SELE: variants seen among roughly 807,000 people sequenced by gnomAD.
SELE encodes E-selectin.
A neutral mutation model predicts 75.8 loss-of-function variants in SELE; 52 were observed. The observed-to-expected ratio is 0.69, with a 90% CI of 0.55 to 0.86. The LOEUF is 0.86. SELE is among the 40% of genes least tolerant of loss of function. The pLI is 0.00. For missense variants in SELE, 754 were observed against 732.7 expected (o/e 1.03, Z -0.34); for synonymous variants, 285 against 258.7 (o/e 1.10, Z -0.98).
intron 13 of SELE, 70 bp downstream of exon 13, chr1:169,725,659 G>T (rs1242867625): frequency 7.6e-7 from 1 of 1,311,184 alleles, no homozygotes; most frequent in Non-Finnish European, 1.1e-6. Context: ...AAGTTTGGAG[G>T]GTTCAAGGAG....
At chr1:169,731,964 A>G in intron 3 of SELE, 22 bp from the exon 4 acceptor site, 1 of 1,498,174 alleles carries the variant, frequency 6.7e-7, no homozygotes, top group Non-Finnish European at 9.3e-7. Context: ...ACAAAGCATG[A>G]TGAGGAGGAC....
At chr1:169,730,380 A>C (rs1343709760) in intron 5 of SELE, 52 bp downstream of exon 5, 10 of 1,392,092 alleles carry the variant, frequency 7.2e-6, no homozygotes, top group Admixed American at 2.3e-5. Context: ...AAAAAACAGA[A>C]GCAATGAGGG....
intron 6 of SELE, 51 bp from the exon 7 acceptor site, chr1:169,729,425 C>G (rs1031296786): frequency 6.2e-7 from 1 of 1,608,266 alleles, no homozygotes; most frequent in East Asian, 2.2e-5. Flanking sequence ...TTAGCTTGCC[C>G]ATTTCCAGTA....
In SELE at chr1:169,723,491, A is replaced by G. The variant is rs1387044684; in HGVS notation, c.*1034T>C. 6.6e-6 allele frequency: 1 copy of G among 152,216 alleles called. No individual in the cohort carries two copies. The highest frequency in any genetic ancestry group is 1.5e-5 in the Non-Finnish European group (1 of 68,008). 9.4% of individuals were successfully genotyped at this position (152,216 alleles called of 1,614,324 possible). The stretch of plus-strand genomic sequence containing the variant: ...TTTGTGTGTTTGCATTTATGCTTTT[A>G]TTAGTTCAAAACGTTTGGCCTCATG... On this transcript the variant is annotated 3_prime_UTR_variant, in exon 14 of 14. Coordinates refer to ENST00000333360, the MANE Select transcript of SELE (RefSeq NM_000450.2).
Position 169,725,970 on chromosome 1 carries a change from G to T in SELE, c.1754-42C>A. 2.5e-6 allele frequency: 4 copies of T among 1,608,320 alleles called. No homozygotes were observed. The South Asian group carries it at 3.3e-5, about 13-fold the overall frequency. On this transcript the variant is annotated intron_variant, in intron 11 of 13. Coordinates refer to ENST00000333360, the MANE Select transcript of SELE (RefSeq NM_000450.2). The stretch of plus-strand genomic sequence containing the variant: ...AAACAACCATTAATTCAGACTAAAT[G>T]ACTTTTAAGGATATATTAAATCCAG...
rs1172747844 is a variant in SELE, at chr1:169,730,551, T to C, written c.596A>G (p.Asn199Ser). 25 of 1,613,854 alleles carry C rather than the reference T, an allele frequency of 1.5e-5. No individual in the cohort carries two copies. Among genetic ancestry groups the C allele is most frequent in the Non-Finnish European group, 2.0e-5 (24 of 1,179,978 alleles). ...GSLVCSHPLG[N>S]FSYNSSCSIS... ...AGAGCAGGAAGAATTGTAGCTGAAG[T>C]TTCCCAGTGGGTGACTGCAAACCAG... is the stretch of plus-strand genomic sequence containing the variant. Residue 199 changes from asparagine (N) to serine (S), a missense_variant, in exon 5 of 14, where the codon AAC (asparagine) becomes AGC (serine). Asn to Ser is a conservative substitution (Grantham distance 46, BLOSUM62 1). Coordinates refer to ENST00000333360, the MANE Select transcript of SELE (RefSeq NM_000450.2).
chr1:169,733,741 C>T (rs1648976491), intron 1 of SELE, 81 bp from the exon 2 acceptor site: 1 of 907,292 alleles, frequency 1.1e-6, no homozygotes, highest in Non-Finnish European at 1.8e-6. Flanking sequence ...ATGTTTAAGG[C>T]AGCATCCTAA....
chr1:169,727,042 T>TACCAC lies in SELE; in HGVS notation c.1646-241_1646-237dup, dbSNP rs1648790620. On this transcript the variant is annotated intron_variant, in intron 10 of 13. Transcript: ENST00000333360. Reference sequence around the variant, plus strand: ...TCTAACTTGCCAAGCTCGTTCACAATACCACACCACACCTTGGTTAATAAA... The same window carrying TACCAC: ...TCTAACTTGCCAAGCTCGTTCACAATACCACACCACACCACACCTTGGTTAATAAA... 3.3e-5 allele frequency among the ~76,000 whole-genome samples: 5 copies of TACCAC among 152,296 alleles called. No homozygotes were observed. In the South Asian group the frequency reaches 1.0e-3, roughly 32 times the overall value.
At chr1:169,730,678 G>A (rs3917419) in intron 4 of SELE, 61 bp from the exon 5 acceptor site, 369,166 of 976,674 alleles carry the variant, frequency 0.38, 74,031 homozygotes, top group Middle Eastern at 0.46. Context: ...AAGAACACTG[G>A]AAACTAGAAC....
chr1:169,724,607 A>C (rs908127352), intron 13 of SELE, 98 bp from the exon 14 acceptor site: 1 of 152,244 alleles, frequency 6.6e-6, no homozygotes, highest in Non-Finnish European at 1.5e-5. Context: ...TCTCACTAGG[A>C]TAGACCATGT....
In SELE at chr1:169,729,613, G is replaced by T. The variant is rs762024053; in HGVS notation, c.776C>A (p.Pro259His). 6.2e-7 allele frequency: 1 copy of T among 1,614,126 alleles called. No homozygotes were observed. Among genetic ancestry groups the T allele is most frequent in the South Asian group, 1.1e-5 (1 of 91,082 alleles). The change falls in exon 6 of 14, where the codon CCT (proline) becomes CAT (histidine). Residue 259 changes from proline to histidine, a missense_variant. Pro to His is a moderately conservative substitution (Grantham distance 77). Coordinates refer to ENST00000333360, the MANE Select transcript of SELE (RefSeq NM_000450.2). ...GGTTGTGTTCCATGGGAAGCTTCCA[G>T]GGTTTTGGAAACATTCCACGAACCC... is the stretch of plus-strand genomic sequence containing the variant. ...ANGFVECFQN[P>H]GSFPWNTTCT... is the part of the protein sequence containing the mutation.
chr1:169,731,780 G>A (rs1439857715), intron 4 of SELE, 55 bp downstream of exon 4: 5 of 1,192,792 alleles, frequency 4.2e-6, no homozygotes, highest in African/African-American at 1.5e-5. Flanking sequence ...TGCCAGCTAG[G>A]ACGTGAGATG....
intron 5 of SELE, 65 bp from the exon 6 acceptor site, chr1:169,729,738 G>A: frequency 6.5e-7 from 1 of 1,528,476 alleles, no homozygotes; most frequent in African/African-American, 1.4e-5. Context: ...CTATTGAGCT[G>A]GGTGCCTAAC....
intron 3 of SELE, 59 bp downstream of exon 3, chr1:169,732,556 A>G (rs1449112375): frequency 1.3e-6 from 2 of 1,510,190 alleles, no homozygotes; most frequent in African/African-American, 2.8e-5. Flanking sequence ...GCATGCTGTA[A>G]ATTTGCCAAG....
At position 169,725,901 on chromosome 1, in the gene SELE, A is replaced by T; in HGVS notation, c.1775+6T>A. 1 of 1,614,104 alleles carries T rather than the reference A, an allele frequency of 6.2e-7. No individual in the cohort carries two copies. The highest frequency in any genetic ancestry group is 8.5e-7 in the Non-Finnish European group (1 of 1,179,974). On this transcript the variant is annotated splice_donor_region_variant and intron_variant, in intron 12 of 13. Coordinates refer to ENST00000333360, the MANE Select transcript of SELE (RefSeq NM_000450.2). ...ATGGCATGCTTTGTATAAGAATGCA[A>T]CTTACCTGGCAGGAACAAATTTCTT...
chr1:169,729,292 T>A lies in SELE; in HGVS notation c.984A>T (p.Lys328Asn). 6.2e-7 allele frequency: 1 copy of A among 1,614,134 alleles called. No homozygotes were observed. The highest frequency in any genetic ancestry group is 8.5e-7 in the Non-Finnish European group (1 of 1,180,012). ...CCTCACAGGTGAAGTTGCAGGATGA[T>A]TTGAAGGTGAACTCTCCAGCAGGGG... ...SHSPAGEFTF[K>N]SSCNFTCEEG... The change falls in exon 7 of 14, where the codon AAA becomes AAT. Residue 328 changes from lysine to asparagine, a missense_variant. Coordinates refer to ENST00000333360, the MANE Select transcript of SELE (RefSeq NM_000450.2).
Position 169,726,701 on chromosome 1 carries a change from T to C in SELE, c.1751A>G (p.Lys584Arg). Reference sequence around the variant, plus strand: ...AGTACATTCATAAACTTCCTCACCTTTCCGTAAGCATTTCCGAAGCCAGAG... The same window carrying C: ...AGTACATTCATAAACTTCCTCACCTCTCCGTAAGCATTTCCGAAGCCAGAG... ...FLLWLRKCLR[K>R]AKKFVPASSC... The change falls in exon 11 of 14, where the codon AAA (lysine) becomes AGA (arginine). Residue 584 changes from lysine to arginine, a missense_variant and splice_region_variant. Physicochemically the swap from Lys to Arg is conservative, Grantham distance 26 (BLOSUM62 2). Coordinates refer to ENST00000333360, the MANE Select transcript of SELE (RefSeq NM_000450.2). 6.2e-7 allele frequency: 1 copy of C among 1,607,412 alleles called. No homozygotes were observed. Among genetic ancestry groups the C allele is most frequent in the Non-Finnish European group, 8.5e-7 (1 of 1,174,124 alleles).
rs745800488 is a variant in SELE, at chr1:169,727,497, C to A, written c.1497G>T (p.Pro499=). Residue 499 remains proline (P), a synonymous_variant, in exon 10 of 14, where the codon CCG becomes CCT. Coordinates refer to ENST00000333360, the MANE Select transcript of SELE (RefSeq NM_000450.2). ...CACTGCAGCTCATGTTGATCTTTCC[C>A]GGAACTGCCAGGCTTGAACATTTTA... is the stretch of plus-strand genomic sequence containing the variant. ...QVVKCSSLAV[P]GKINMSCSGE... 3 of 1,613,882 alleles carry A rather than the reference C, an allele frequency of 1.9e-6. No individual in the cohort carries two copies. Among genetic ancestry groups the A allele is most frequent in the Non-Finnish European group, 2.5e-6 (3 of 1,179,960 alleles).
At chr1:169,730,040 CT>C (rs779893437) in intron 5 of SELE, among the ~76,000 whole-genome samples, 2 of 152,052 alleles carry the variant, frequency 1.3e-5, no homozygotes, top group Non-Finnish European at 2.9e-5. Context: ...TTTTTGGCCT[CT>C]GGTTCAGAAA....
Sources: gnomAD v4.1 joint callset for allele counts (sites outside exome capture counted in the v4.1 genomes callset) on GRCh38, gnomAD v4.1.1 for gene constraint, MANE v1.5 for transcripts, NCBI Gene and HGNC (gene_info 2026-07-23, HGNC 2026-07-21) for gene names.